SUMF1: variants seen among roughly 807,000 people sequenced by gnomAD.
SUMF1 encodes the protein sulfatase modifying factor 1.
Under a neutral mutation model 47.6 loss-of-function variants are expected in SUMF1, and 48 were observed. The observed-to-expected ratio is 1.01, with a 90% CI of 0.80 to 1.28. SUMF1 has a LOEUF of 1.28. Among genes scored for constraint, SUMF1 ranks in the 50% most tolerant of loss-of-function variants. SUMF1 has a pLI of 0.00. For synonymous variants in SUMF1, 230 were observed against 192.1 expected, an observed-to-expected ratio of 1.20 and a Z score of -1.63; for missense variants, 571 against 485.4, an observed-to-expected ratio of 1.18 and a Z score of -1.66.
chr3:4,376,549 C>T (rs970180052), intron 7 of SUMF1, among the ~76,000 whole-genome samples, 160 bp from the exon 8 acceptor site: 1 of 152,206 alleles, frequency 6.6e-6, no homozygotes, highest in African/African-American at 2.4e-5. Flanking sequence ...CGTGGGCTCT[C>T]CCAAATGCTC....
intron 3 of SUMF1, among the ~76,000 whole-genome samples, chr3:4,443,299 G>A (rs1702668137): frequency 6.6e-6 from 1 of 151,888 alleles, no homozygotes. Flanking sequence ...TTTAAAAAAT[G>A]AGGTAAATGG....
At chr3:4,419,922 T>A in intron 4 of SUMF1, 142 bp downstream of exon 4, 3 of 760,898 alleles carry the variant, frequency 3.9e-6, no homozygotes, top group East Asian at 2.7e-5. Context: ...TTTCCCACCA[T>A]CTTATTTTCC....
chr3:4,387,306 T>A (rs1700707032), intron 7 of SUMF1, among the ~76,000 whole-genome samples: 1 of 152,060 alleles, frequency 6.6e-6, no homozygotes, highest in East Asian at 1.9e-4. Context: ...ATCTATTTCA[T>A]ATTGGGTAAA....
intron 7 of SUMF1, among the ~76,000 whole-genome samples, chr3:4,398,567 T>C (rs1701110295): frequency 6.6e-6 from 1 of 152,190 alleles, no homozygotes; most frequent in Non-Finnish European, 1.5e-5. Flanking sequence ...GAAATGGCAC[T>C]ATATTACTTT....
intron 8 of SUMF1, among the ~76,000 whole-genome samples, chr3:4,088,155 T>C (rs1489225062): frequency 6.6e-6 from 1 of 152,132 alleles, no homozygotes; most frequent in African/African-American, 2.4e-5. Flanking sequence ...GTGTTCTCTT[T>C]GGACACCTCT....
At chr3:4,384,076 T>A (rs1700593534) in intron 7 of SUMF1, among the ~76,000 whole-genome samples, 1 of 143,536 alleles carries the variant, frequency 7.0e-6, no homozygotes, top group African/African-American at 2.4e-5. Context: ...CTTTTCTACT[T>A]ACCTATTTAC....
intron 8 of SUMF1, among the ~76,000 whole-genome samples, chr3:4,347,121 C>T (rs1284351641): frequency 1.3e-5 from 2 of 152,218 alleles, no homozygotes; most frequent in African/African-American, 4.8e-5. Flanking sequence ...GGAGCTGGTA[C>T]CATTCCTTCT....
intron 8 of SUMF1, among the ~76,000 whole-genome samples, chr3:4,331,849 A>G (rs1559229137): frequency 6.6e-6 from 1 of 152,184 alleles, no homozygotes; most frequent in Non-Finnish European, 1.5e-5. Flanking sequence ...AAATAAATAA[A>G]TAAATCTAAA....
chr3:4,415,090 T>C (rs1208042286), intron 6 of SUMF1: 2 of 151,912 alleles, frequency 1.3e-5, no homozygotes, highest in Admixed American at 1.3e-4. Context: ...AGTCAGATAT[T>C]GTGGTGCACA....
intron 8 of SUMF1, among the ~76,000 whole-genome samples, chr3:4,345,025 T>C (rs1699347169): frequency 6.6e-6 from 1 of 151,996 alleles, no homozygotes; most frequent in Non-Finnish European, 1.5e-5. Context: ...CCAAGAAATA[T>C]GGGACCTCTT....
exon 9 of SUMF1, chr3:4,068,712 C>T (rs1030013480): frequency 2.5e-5 from 11 of 442,902 alleles, no homozygotes; most frequent in Non-Finnish European, 5.0e-5. Context: ...TCAGATGCCA[C>T]ATCTTGAAAA....
chr3:4,325,381 G>GA (rs1322071711), intron 8 of SUMF1, among the ~76,000 whole-genome samples: 3 of 151,066 alleles, frequency 2.0e-5, no homozygotes, highest in Non-Finnish European at 4.4e-5. Flanking sequence ...AAGGAAGAAA[G>GA]AAAAAAAAGA....
chr3:4,124,215 T>G (rs1693606723), intron 8 of SUMF1, among the ~76,000 whole-genome samples: 1 of 152,168 alleles, frequency 6.6e-6, no homozygotes, highest in Non-Finnish European at 1.5e-5. Context: ...AAACAGATTT[T>G]TCTTTAAAAT....
At chr3:4,048,114 A>C (rs557923661) in intron 9 of SUMF1, among the ~76,000 whole-genome samples, 1 of 152,256 alleles carries the variant, frequency 6.6e-6, no homozygotes, top group Non-Finnish European at 1.5e-5. Flanking sequence ...TCCTATAATT[A>C]TCATCTCACC....
chr3:4,170,090 T>C (rs940059544), intron 8 of SUMF1, among the ~76,000 whole-genome samples: 1 of 152,214 alleles, frequency 6.6e-6, no homozygotes, highest in African/African-American at 2.4e-5. Context: ...CCATCTGTTT[T>C]TGTAAAGTTC....
At chr3:4,303,397 A>G in intron 8 of SUMF1, 1 of 1,559,744 alleles carries the variant, frequency 6.4e-7, no homozygotes, top group African/African-American at 1.4e-5. Context: ...CAAAGACGAC[A>G]CGGCCTTGTG....
chr3:4,232,707 A>T (rs1209278464), intron 8 of SUMF1, among the ~76,000 whole-genome samples: 2 of 152,058 alleles, frequency 1.3e-5, no homozygotes, highest in East Asian at 1.9e-4. Context: ...ATTTTTTTTT[A>T]AAAGGCAGTC....
chr3:4,046,987 T>A (rs1261757943), intron 9 of SUMF1, among the ~76,000 whole-genome samples: 1 of 152,092 alleles, frequency 6.6e-6, no homozygotes, highest in Non-Finnish European at 1.5e-5. Flanking sequence ...CGCTTACCAC[T>A]AACACCCTAG....
At chr3:4,292,453 T>G (rs1403660947) in intron 8 of SUMF1, among the ~76,000 whole-genome samples, 1 of 152,164 alleles carries the variant, frequency 6.6e-6, no homozygotes, top group East Asian at 1.9e-4. Context: ...GAGTCAGAAA[T>G]TTAAATTTCA....
Sources: allele counts gnomAD v4.1 joint callset (sites outside exome capture counted in the v4.1 genomes callset), GRCh38; gene constraint gnomAD v4.1.1; transcripts MANE v1.5; gene names NCBI Gene and HGNC (gene_info 2026-07-23, HGNC 2026-07-21).